AFF3: variants seen among roughly 807,000 people sequenced by gnomAD.
AFF3 encodes the protein ALF transcription elongation factor 3, also known as AF4/FMR2 family member 3.
In AFF3, 32 loss-of-function variants were observed where a neutral mutation model predicts 129.7. The observed-to-expected ratio is 0.25, with a 90% CI of 0.19 to 0.33. AFF3 has a LOEUF of 0.33. AFF3 is among the 10% of genes least tolerant of loss of function. The pLI is 1.00. For synonymous variants in AFF3, 644 were observed against 635.4 expected (o/e 1.01, Z -0.20); for missense variants, 1,373 against 1,592.0 (o/e 0.86, Z 2.34).
intron 12 of AFF3, among the ~76,000 whole-genome samples, chr2:99,660,371 C>G (rs1396597832): frequency 6.6e-6 from 1 of 152,066 alleles, no homozygotes; most frequent in Non-Finnish European, 1.5e-5. Context: ...CCTTTTTTTA[C>G]TTAGGCAAAA....
At chr2:100,085,014 C>T (rs571439381) in intron 4 of AFF3, among the ~76,000 whole-genome samples, 35 of 152,132 alleles carry the variant, frequency 2.3e-4, no homozygotes, top group South Asian at 1.5e-3. Context: ...CCAAGAAATT[C>T]GGAAACTGAG....
chr2:99,725,960 T>C (rs1419870494), intron 11 of AFF3, among the ~76,000 whole-genome samples: 1 of 152,206 alleles, frequency 6.6e-6, no homozygotes, highest in Non-Finnish European at 1.5e-5. Flanking sequence ...TTTCAATGAT[T>C]CTACCCTTTT....
chr2:100,005,817 A>G (rs1681921849), intron 7 of AFF3, among the ~76,000 whole-genome samples: 1 of 152,224 alleles, frequency 6.6e-6, no homozygotes, highest in South Asian at 2.1e-4. Context: ...ATGTCAAATC[A>G]TTGCTTTCAT....
In AFF3 at chr2:100,134,825, G is replaced by A. The variant is rs536973890; in HGVS notation, c.-227-5519C>T. The stretch of plus-strand genomic sequence containing the variant: ...GGACCAGGCATTGTTCTAGGTCCTT[G>A]GGATACAAGAAGGAACTTTCATTCT... On this transcript the variant is annotated intron_variant, in intron 1 of 24. Transcript: ENST00000672756. Among the ~76,000 whole-genome samples the A allele has an allele frequency of 9.7e-4, 147 of 152,306 alleles. 2 individuals are homozygous for A. Among genetic ancestry groups the A allele is most frequent in the Middle Eastern group, 3.4e-3 (1 of 294 alleles).
In AFF3 at chr2:99,681,730, A is replaced by G. The variant is rs1257411747; in HGVS notation, c.1092-9141T>C. Among the ~76,000 whole-genome samples the G allele has an allele frequency of 9.9e-5, 15 of 151,524 alleles. No homozygotes were observed. The East Asian group carries it at 2.7e-3, about 27-fold the overall frequency. ...ACCACATCTCGTTCCTTGATCTTGG[A>G]CTCCCCGTCCCCCAGAACTGTGAGG... On this transcript the variant is annotated intron_variant, in intron 11 of 24. Transcript: ENST00000672756.
chr2:99,873,030 A>G (rs1691999184), intron 7 of AFF3, among the ~76,000 whole-genome samples: 1 of 152,240 alleles, frequency 6.6e-6, no homozygotes, highest in Non-Finnish European at 1.5e-5. Context: ...TGAAAATCAT[A>G]GTCTGTCTCT....
At chr2:99,559,050 C>T (rs912218524) in intron 21 of AFF3, 82 bp from the exon 22 acceptor site, 2 of 1,251,882 alleles carry the variant, frequency 1.6e-6, no homozygotes, top group Admixed American at 1.8e-5. Context: ...TGTTGTTGTT[C>T]TAAGGTACTC....
chr2:99,764,486 T>C (rs1047452224), intron 8 of AFF3, among the ~76,000 whole-genome samples: 1 of 152,254 alleles, frequency 6.6e-6, no homozygotes. Flanking sequence ...ATTATCTCTC[T>C]GTGTCAAGTA....
At chr2:99,937,552 C>T (rs944056039) in intron 7 of AFF3, among the ~76,000 whole-genome samples, 6 of 152,130 alleles carry the variant, frequency 3.9e-5, no homozygotes, top group African/African-American at 1.4e-4. Flanking sequence ...GCGCCTGCTA[C>T]CACGCCCAGC....
intron 7 of AFF3, among the ~76,000 whole-genome samples, chr2:99,855,732 C>T (rs1175114258): frequency 6.6e-6 from 1 of 152,138 alleles, no homozygotes; most frequent in Non-Finnish European, 1.5e-5. Flanking sequence ...CGTAACTCCC[C>T]AGTCCTTAAG....
chr2:99,928,549 GA>G (rs1362628074), intron 7 of AFF3, among the ~76,000 whole-genome samples: 1 of 152,150 alleles, frequency 6.6e-6, no homozygotes, highest in African/African-American at 2.4e-5. Context: ...GTGTCAGATG[GA>G]GCTTGAAAGC....
At chr2:100,140,465 G>A (rs1289846051) in intron 1 of AFF3, among the ~76,000 whole-genome samples, 2 of 152,038 alleles carry the variant, frequency 1.3e-5, no homozygotes, top group Non-Finnish European at 2.9e-5. Context: ...GATGGGTGGG[G>A]GATTGGGACA....
At chr2:99,927,617 T>C (rs1696353255) in intron 7 of AFF3, among the ~76,000 whole-genome samples, 1 of 151,974 alleles carries the variant, frequency 6.6e-6, no homozygotes, top group African/African-American at 2.4e-5. Flanking sequence ...CAGAAAAAAA[T>C]AACTAATGAT....
At chr2:99,967,155 T>G (rs755520210) in intron 7 of AFF3, among the ~76,000 whole-genome samples, 6 of 152,162 alleles carry the variant, frequency 3.9e-5, no homozygotes, top group Non-Finnish European at 8.8e-5. Context: ...CCTTCACTTC[T>G]GTGTTTTTCC....
At chr2:99,601,378 C>A in intron 14 of AFF3, 57 bp downstream of exon 14, 2 of 1,478,412 alleles carry the variant, frequency 1.4e-6, no homozygotes, top group Non-Finnish European at 1.8e-6. Flanking sequence ...CCCGGACTTG[C>A]TATCCTCATA....
At chr2:99,949,827 G>T (rs1232627482) in intron 7 of AFF3, among the ~76,000 whole-genome samples, 1 of 152,224 alleles carries the variant, frequency 6.6e-6, no homozygotes, top group Non-Finnish European at 1.5e-5. Context: ...GCGGTCCGTG[G>T]CCCAGGGGTT....
intron 7 of AFF3, among the ~76,000 whole-genome samples, chr2:99,973,583 G>A (rs1678598570): frequency 6.6e-6 from 1 of 152,114 alleles, no homozygotes; most frequent in African/African-American, 2.4e-5. Context: ...TTTGATACCT[G>A]CCAATCACCA....
intron 7 of AFF3, among the ~76,000 whole-genome samples, chr2:99,869,894 ATTT>A (rs1691739027): frequency 1.3e-5 from 2 of 152,176 alleles, no homozygotes; most frequent in African/African-American, 4.8e-5. Flanking sequence ...GAATAGGAAA[ATTT>A]TATGTTCAGT....
chr2:100,075,330 A>C (rs1184569708), intron 4 of AFF3, among the ~76,000 whole-genome samples: 1 of 152,148 alleles, frequency 6.6e-6, no homozygotes, highest in East Asian at 1.9e-4. Context: ...CGTCTTCAAG[A>C]ACCACAGCTC....
Sources: allele counts gnomAD v4.1 joint callset (sites outside exome capture counted in the v4.1 genomes callset), GRCh38; gene constraint gnomAD v4.1.1; transcripts MANE v1.5; gene names NCBI Gene and HGNC (gene_info 2026-07-23, HGNC 2026-07-21).